KSR2: variants seen among roughly 807,000 people sequenced by gnomAD.
KSR2 encodes the protein kinase suppressor of ras 2.
KSR2 carries 25 observed loss-of-function variants against 107.8 expected under a neutral mutation model. That is an observed-to-expected ratio of 0.23 (90% confidence interval 0.17 to 0.32). The LOEUF is 0.32. KSR2 is among the 10% of genes least tolerant of loss of function. KSR2 has a pLI of 1.00. For missense variants in KSR2, 887 were observed against 1,268.9 expected, an observed-to-expected ratio of 0.70 and a Z score of 4.57; for synonymous variants, 480 against 507.0, an observed-to-expected ratio of 0.95 and a Z score of 0.71.
At chr12:117,849,832 C>T (rs1202256011) in intron 3 of KSR2, among the ~76,000 whole-genome samples, 1 of 152,196 alleles carries the variant, frequency 6.6e-6, no homozygotes, top group African/African-American at 2.4e-5. Flanking sequence ...ATGAGTTCCT[C>T]AATACAACTT....
intron 4 of KSR2, among the ~76,000 whole-genome samples, chr12:117,675,469 G>A (rs893758565): frequency 1.3e-5 from 2 of 152,184 alleles, no homozygotes; most frequent in Non-Finnish European, 2.9e-5. Flanking sequence ...TTTTCTTTCT[G>A]ACAATTTCTT....
At chr12:117,824,110 G>A (rs995782054) in intron 3 of KSR2, among the ~76,000 whole-genome samples, 3 of 152,160 alleles carry the variant, frequency 2.0e-5, no homozygotes, top group African/African-American at 4.8e-5. Flanking sequence ...CAACACGGAT[G>A]GAACTGGAGG....
chr12:117,905,898 C>T (rs10850934), intron 1 of KSR2, among the ~76,000 whole-genome samples: 1 of 150,148 alleles, frequency 6.7e-6, no homozygotes, highest in Non-Finnish European at 1.5e-5. Flanking sequence ...AAAAGTAGGA[C>T]GATAGTACAT....
chr12:117,915,886 C>A (rs1408549559), intron 1 of KSR2, among the ~76,000 whole-genome samples: 1 of 152,094 alleles, frequency 6.6e-6, no homozygotes, highest in East Asian at 1.9e-4. Flanking sequence ...GCTCCCCACA[C>A]CCAGAATCAA....
intron 4 of KSR2, among the ~76,000 whole-genome samples, chr12:117,707,775 A>G (rs979589233): frequency 2.0e-5 from 3 of 152,194 alleles, no homozygotes; most frequent in Non-Finnish European, 4.4e-5. Flanking sequence ...ATCTATTTCA[A>G]CTGGTATTCT....
chr12:117,573,053 A>G (rs1158550953), intron 7 of KSR2, among the ~76,000 whole-genome samples: 1 of 152,260 alleles, frequency 6.6e-6, no homozygotes, highest in Non-Finnish European at 1.5e-5. Flanking sequence ...CTATTAGATG[A>G]AAACGCCTCA....
intron 14 of KSR2, among the ~76,000 whole-genome samples, chr12:117,517,182 T>G (rs1030666260): frequency 6.6e-6 from 1 of 152,222 alleles, no homozygotes; most frequent in Non-Finnish European, 1.5e-5. Context: ...TCTTGGACTA[T>G]TACATGGACA....
intron 1 of KSR2, among the ~76,000 whole-genome samples, chr12:117,958,750 G>A (rs1220579001): frequency 1.3e-5 from 2 of 152,206 alleles, no homozygotes; most frequent in Non-Finnish European, 2.9e-5. Context: ...GAACCTGGGA[G>A]ACAGAGGTTG....
At chr12:117,706,366 C>A (rs539962216) in intron 4 of KSR2, among the ~76,000 whole-genome samples, 1 of 152,152 alleles carries the variant, frequency 6.6e-6, no homozygotes, top group East Asian at 1.9e-4. Context: ...TTGTTAATCA[C>A]CTATAATTAC....
At chr12:117,882,174 A>G (rs1193877346) in intron 1 of KSR2, among the ~76,000 whole-genome samples, 1 of 152,200 alleles carries the variant, frequency 6.6e-6, no homozygotes, top group Non-Finnish European at 1.5e-5. Flanking sequence ...CAGCTCCCTC[A>G]GCACACTGCA....
intron 5 of KSR2, among the ~76,000 whole-genome samples, chr12:117,651,066 C>T (rs1296410526): frequency 2.0e-5 from 3 of 152,128 alleles, no homozygotes; most frequent in Admixed American, 1.3e-4. Context: ...GTGGGAGGAC[C>T]CTGATGAAGC....
At chr12:117,511,836 G>A (rs952158480) in intron 14 of KSR2, among the ~76,000 whole-genome samples, 1 of 152,158 alleles carries the variant, frequency 6.6e-6, no homozygotes, top group Non-Finnish European at 1.5e-5. Flanking sequence ...TCCCCAGAGA[G>A]GACATGTCTC....
Position 117,861,378 on chromosome 12 carries a change from C to CTTTTTTTTTTTTTTTTT in KSR2, c.181-964_181-948dup, listed in dbSNP as rs5801257. ...TCTGTCCACAAGGACTCCCAATTCG[C>CTTTTTTTTTTTTTTTTT]TTTTTTTTTTTTTTTTTTTTTTTTT... On this transcript the variant is annotated intron_variant, in intron 1 of 19. Transcript: ENST00000339824. Among the ~76,000 whole-genome samples the CTTTTTTTTTTTTTTTTT allele has an allele frequency of 2.4e-5, 2 of 81,672 alleles. 1 individual carries two copies. The allele number at this position is 81,672 out of a possible 152,430, so 53.6% of individuals were successfully genotyped here. A position where few individuals can be genotyped will look rare whatever the true frequency, so the allele number is the denominator to read the frequency against.
chr12:117,490,047 C>T (rs1314142529), intron 14 of KSR2, among the ~76,000 whole-genome samples: 1 of 152,162 alleles, frequency 6.6e-6, no homozygotes, highest in African/African-American at 2.4e-5. Context: ...TGCTGCAACC[C>T]CTATATATAT....
At chr12:117,511,783 G>A (rs1270772035) in intron 14 of KSR2, among the ~76,000 whole-genome samples, 2 of 152,156 alleles carry the variant, frequency 1.3e-5, no homozygotes, top group African/African-American at 2.4e-5. Flanking sequence ...AAGGACAGTG[G>A]TGGCAAACAT....
intron 3 of KSR2, among the ~76,000 whole-genome samples, chr12:117,782,390 A>G (rs1270711610): frequency 1.3e-5 from 2 of 152,140 alleles, no homozygotes; most frequent in Admixed American, 6.6e-5. Flanking sequence ...TGGTCTCCCG[A>G]GTAGCTAGGA....
rs952129859 is a variant in KSR2 at position 117,928,349 on chromosome 12, A to G, written c.180+39727T>C. 9.2e-5 allele frequency among the ~76,000 whole-genome samples: 14 copies of G among 151,808 alleles called. 1 individual carries two copies. The highest frequency in any genetic ancestry group is 3.4e-4 in the African/African-American group (14 of 41,338). ...AGGCATGCGCCACCATACCCGGCTAATTTTTTGTAATTTTAGTAGAGATGA... is the reference window on the plus strand; with the variant it reads ...AGGCATGCGCCACCATACCCGGCTAGTTTTTTGTAATTTTAGTAGAGATGA... On this transcript the variant is annotated intron_variant, in intron 1 of 19. Coordinates refer to ENST00000339824, the MANE Select transcript of KSR2 (RefSeq NM_173598.6).
intron 3 of KSR2, among the ~76,000 whole-genome samples, chr12:117,812,316 T>C (rs965086044): frequency 4.6e-5 from 7 of 152,228 alleles, no homozygotes; most frequent in Non-Finnish European, 1.0e-4. Flanking sequence ...TTGCAATGAT[T>C]CTACTTTGGA....
At chr12:117,786,166 T>C (rs1890066765) in intron 3 of KSR2, among the ~76,000 whole-genome samples, 2 of 151,798 alleles carry the variant, frequency 1.3e-5, no homozygotes, top group African/African-American at 4.8e-5. Context: ...TAGAACATCT[T>C]TTTTTTTGCA....
Sources: allele counts gnomAD v4.1 joint callset (sites outside exome capture counted in the v4.1 genomes callset), GRCh38; gene constraint gnomAD v4.1.1; transcripts MANE v1.5; gene names NCBI Gene and HGNC (gene_info 2026-07-23, HGNC 2026-07-21).